The following CHD7 variants were observed in gnomAD, a reference collection of about 807,000 sequenced individuals.
CHD7 encodes ATP-dependent chromatin remodeler CHD7.
In CHD7, 24 loss-of-function variants were observed where a neutral mutation model predicts 307.3. The observed-to-expected ratio is 0.08, with a 90% confidence interval of 0.06 to 0.11. The LOEUF (loss-of-function observed/expected upper bound fraction) is 0.11, where lower values mean the gene tolerates loss of function less well. Among genes scored for constraint, CHD7 ranks in the 10% least tolerant of loss-of-function variants. The pLI, the probability that CHD7 is intolerant of heterozygous loss-of-function variation, is 1.00. For missense variants in CHD7, 3,106 were observed against 3,727.1 expected (o/e 0.83, Z 4.34); for synonymous variants, 1,363 against 1,349.9 (o/e 1.01, Z -0.21).
Position 60,865,301 on chromosome 8 carries a change from G to A in CHD7, c.8362G>A (p.Asp2788Asn), listed in dbSNP as rs373204105. 5.6e-6 allele frequency: 9 copies of A among 1,610,632 alleles called. No individual in the cohort carries two copies. The highest frequency in any genetic ancestry group is 3.4e-5 in the Admixed American group (2 of 59,506). Residue 2788 changes from aspartate (D) to asparagine (N), a missense_variant, in exon 38 of 38, where the codon GAT becomes AAT. By Grantham distance (23) the Asp-to-Asn change is conservative. Transcript: ENST00000423902. The surrounding 1 kb of genome is among the most constrained non-coding windows in gnomAD (Gnocchi z 4.3). ...GLATAATAGG[D>N]AKNPAAVLPL... Reference sequence around the variant, plus strand: ...GGCAACAGCTGCCACCGCCGGAGGCGATGCGAAGAACCCTGCTGCTGTGCT... The same window carrying A: ...GGCAACAGCTGCCACCGCCGGAGGCAATGCGAAGAACCCTGCTGCTGTGCT...
At position 60,742,664 on chromosome 8, in the gene CHD7, C is replaced by T; in HGVS notation, c.1232C>T (p.Pro411Leu). 6.2e-7 allele frequency: 1 copy of T among 1,610,524 alleles called. No homozygotes were observed. ...AGTAATCCAGCAGGCACTCCTCCTCCACAAGTCAGGCCGGGAAGTGCTGGG... is the reference window on the plus strand; with the variant it reads ...AGTAATCCAGCAGGCACTCCTCCTCTACAAGTCAGGCCGGGAAGTGCTGGG... The part of the protein sequence containing the change: ...AMSNPAGTPP[P>L]QVRPGSAGIP... Residue 411 changes from proline (P) to leucine (L), a missense_variant, in exon 2 of 38, where the codon CCA becomes CTA. Coordinates refer to ENST00000423902, the MANE Select transcript of CHD7 (RefSeq NM_017780.4).
At chr8:60,792,755 C>T (rs1432556541) in intron 3 of CHD7, among the ~76,000 whole-genome samples, 2 of 152,208 alleles carry the variant, frequency 1.3e-5, no homozygotes, top group African/African-American at 4.8e-5. Context: ...CAGGGCCTGG[C>T]AGCCCTCTAA....
intron 12 of CHD7, among the ~76,000 whole-genome samples, chr8:60,823,435 AT>A (rs1471202961): frequency 6.8e-6 from 1 of 147,714 alleles, no homozygotes; most frequent in Non-Finnish European, 1.5e-5. Context: ...AGATAGATAG[AT>A]AGATGTGTGT....
At chr8:60,758,366 C>T (rs547759621) in intron 2 of CHD7, among the ~76,000 whole-genome samples, 10 of 152,100 alleles carry the variant, frequency 6.6e-5, no homozygotes, top group Non-Finnish European at 1.2e-4. Context: ...TCAACTGATC[C>T]GCACCCCTTG....
chr8:60,828,935 A>C, intron 14 of CHD7, 129 bp downstream of exon 14: 1 of 776,176 alleles, frequency 1.3e-6, no homozygotes, highest in Non-Finnish European at 2.0e-6. Context: ...AGAACCTTAG[A>C]TACCCTTTCC....
At chr8:60,762,050 C>T (rs946420464) in intron 2 of CHD7, among the ~76,000 whole-genome samples, 1 of 152,094 alleles carries the variant, frequency 6.6e-6, no homozygotes, top group Non-Finnish European at 1.5e-5. Context: ...GGAGTCTCTG[C>T]CCCACATTTT....
Position 60,850,511 on chromosome 8 carries a change from C to T in CHD7, c.5423C>T (p.Ser1808Phe). Residue 1808 changes from serine to phenylalanine, a missense_variant, in exon 26 of 38, where the codon TCC (serine) becomes TTC (phenylalanine). By Grantham distance (155) the Ser-to-Phe change is radical. This residue lies in a region of CHD7 where 1,030 missense variants were observed against 1,165.4 expected (regional missense o/e 0.88). Transcript: ENST00000423902. ...GGCACAGGCTATGAGAAGTACAACT[C>T]CATGCGAGCTGACCCCGCGCTGTGC... ...VFKHGYEKYN[S>F]MRADPALCFL... 6.2e-7 allele frequency: 1 copy of T among 1,613,532 alleles called. No individual in the cohort carries two copies. The highest frequency in any genetic ancestry group is 8.5e-7 in the Non-Finnish European group (1 of 1,179,580).
chr8:60,812,805 A>C (rs990897192), intron 7 of CHD7, among the ~76,000 whole-genome samples: 1 of 151,100 alleles, frequency 6.6e-6, no homozygotes, highest in Admixed American at 6.6e-5. Context: ...CTGCTTGTCT[A>C]TTTATAAGCC....
chr8:60,705,843 T>C (rs75561237), intron 1 of CHD7, among the ~76,000 whole-genome samples: 6,973 of 152,282 alleles, frequency 0.046, 559 homozygotes, highest in African/African-American at 0.16. Flanking sequence ...ATTAACATTA[T>C]ATAATAGAAT....
chr8:60,703,043 A>G (rs958589809), intron 1 of CHD7, among the ~76,000 whole-genome samples: 2 of 152,238 alleles, frequency 1.3e-5, no homozygotes, highest in African/African-American at 4.8e-5. Flanking sequence ...AGCAAGTTAC[A>G]TGGCCAGGCA....
intron 1 of CHD7, among the ~76,000 whole-genome samples, chr8:60,687,479 A>G (rs184578380): frequency 6.6e-6 from 1 of 152,308 alleles, no homozygotes; most frequent in East Asian, 1.9e-4. Context: ...TGTGCTTGAA[A>G]TTTTGCTTTC....
chr8:60,830,660 A>G (rs1804468006), intron 15 of CHD7, 83 bp downstream of exon 15: 9 of 1,479,270 alleles, frequency 6.1e-6, no homozygotes, highest in South Asian at 1.2e-5. Context: ...TGGGGATTTC[A>G]TGGTGTATAG....
intron 23 of CHD7, among the ~76,000 whole-genome samples, chr8:60,846,542 G>A (rs984816889): frequency 2.0e-5 from 3 of 152,118 alleles, no homozygotes; most frequent in African/African-American, 4.8e-5. Flanking sequence ...TCCTAGCTTC[G>A]TGTGACCTTG....
intron 7 of CHD7, among the ~76,000 whole-genome samples, chr8:60,809,951 G>T (rs1015079978): frequency 3.3e-5 from 5 of 152,138 alleles, no homozygotes; most frequent in African/African-American, 9.7e-5. Flanking sequence ...TACATTGATT[G>T]GTTGGGTTTT....
intron 14 of CHD7, 118 bp downstream of exon 14, chr8:60,828,924 C>T (rs1163773613): frequency 4.6e-6 from 4 of 877,044 alleles, no homozygotes; most frequent in Non-Finnish European, 7.0e-6. Context: ...ACCTAGTACA[C>T]AGAACCTTAG....
chr8:60,865,821 G>GCCTGGATAAGACTGCAGAGTCCTC lies in CHD7; in HGVS notation c.8886_8909dup (p.Asp2963_Leu2970dup). On this transcript the variant is annotated inframe_insertion, in exon 38 of 38. Transcript: ENST00000423902. The surrounding 1 kb of genome is among the most constrained non-coding windows in gnomAD (Gnocchi z 4.3). ...CTTGAAGGCAGCGATGCCGAGGAGA[G>GCCTGGATAAGACTGCAGAGTCCTC]CCTGGATAAGACTGCAGAGTCCTCC... The GCCTGGATAAGACTGCAGAGTCCTC allele has an allele frequency of 6.2e-7, 1 of 1,613,902 alleles. No homozygotes were observed. The highest frequency in any genetic ancestry group is 8.5e-7 in the Non-Finnish European group (1 of 1,179,836).
At chr8:60,850,336 T>C (rs1037396752) in intron 25 of CHD7, among the ~76,000 whole-genome samples, 157 bp from the exon 26 acceptor site, 27 of 152,236 alleles carry the variant, frequency 1.8e-4, no homozygotes, top group African/African-American at 5.5e-4. Flanking sequence ...GAGCGTTCCA[T>C]AGAATGATCT....
At chr8:60,785,561 C>T (rs1811451871) in intron 3 of CHD7, among the ~76,000 whole-genome samples, 1 of 152,172 alleles carries the variant, frequency 6.6e-6, no homozygotes. Flanking sequence ...ATTGTTTTCT[C>T]AGTTACGAGC....
chr8:60,692,898 C>A (rs1370823790), intron 1 of CHD7, among the ~76,000 whole-genome samples: 2 of 152,206 alleles, frequency 1.3e-5, no homozygotes, highest in Admixed American at 1.3e-4. Context: ...GCTACTAACT[C>A]CTACGTCTGT....
Sources: allele counts gnomAD v4.1 joint callset (sites outside exome capture counted in the v4.1 genomes callset), GRCh38; gene constraint gnomAD v4.1.1; regional missense constraint gnomAD v4.1.1; non-coding constraint Gnocchi (gnomAD v3.1); transcripts MANE v1.5; gene names NCBI Gene and HGNC (gene_info 2026-07-23, HGNC 2026-07-21).